ZMIZ1: variants seen among roughly 807,000 people sequenced by gnomAD.
ZMIZ1 encodes zinc finger MIZ domain-containing protein 1.
In ZMIZ1, 17 loss-of-function variants were observed where a neutral mutation model predicts 113.9. The ratio of observed to expected loss-of-function variants is 0.15; its 90% CI spans 0.10 to 0.22. The LOEUF (loss-of-function observed/expected upper bound fraction) is 0.22. Among genes scored for constraint, ZMIZ1 ranks in the 10% least tolerant of loss-of-function variants. ZMIZ1 has a pLI of 1.00. For synonymous variants in ZMIZ1, 607 were observed against 603.1 expected (o/e 1.01, Z -0.09); for missense variants, 1,059 against 1,477.8 (o/e 0.72, Z 4.65).
intron 4 of ZMIZ1, among the ~76,000 whole-genome samples, chr10:79,199,357 A>C (rs1183079812): frequency 1.3e-5 from 2 of 152,008 alleles, no homozygotes; most frequent in Non-Finnish European, 1.5e-5. Context: ...AATACAAAAA[A>C]TTAGCCAGGC....
intron 21 of ZMIZ1, among the ~76,000 whole-genome samples, chr10:79,305,836 G>A (rs996013379): frequency 2.6e-5 from 4 of 152,110 alleles, no homozygotes; most frequent in Non-Finnish European, 4.4e-5. Context: ...GCCCCGCCCC[G>A]ACCCTCCACC....
At chr10:79,252,495 C>T (rs920580711) in intron 7 of ZMIZ1, among the ~76,000 whole-genome samples, 1 of 152,110 alleles carries the variant, frequency 6.6e-6, no homozygotes, top group African/African-American at 2.4e-5. Context: ...AGAAACCAGC[C>T]TCTGAAATGA....
intron 1 of ZMIZ1, among the ~76,000 whole-genome samples, chr10:79,098,668 G>T (rs560191173): frequency 6.6e-6 from 1 of 152,186 alleles, no homozygotes; most frequent in Admixed American, 6.5e-5. Flanking sequence ...TCATACAGCC[G>T]CCCAGAAGCA....
At chr10:79,137,358 C>G (rs1226262542) in intron 2 of ZMIZ1, among the ~76,000 whole-genome samples, 4 of 152,316 alleles carry the variant, frequency 2.6e-5, no homozygotes, top group Admixed American at 2.6e-4. Context: ...AAATGGGTAC[C>G]TCAGGGAAGG....
At chr10:79,239,954 C>G (rs891679305) in intron 7 of ZMIZ1, among the ~76,000 whole-genome samples, 18 of 151,412 alleles carry the variant, frequency 1.2e-4, no homozygotes, top group Admixed American at 3.9e-4. Context: ...GCAGGCTCCT[C>G]CAGCTGGGTA....
intron 1 of ZMIZ1, among the ~76,000 whole-genome samples, chr10:79,076,123 G>A (rs1320094020): frequency 1.3e-5 from 2 of 152,184 alleles, no homozygotes; most frequent in African/African-American, 4.8e-5. Context: ...TGCGTTACCT[G>A]GTCTGGCCTT....
At chr10:79,227,888 A>G (rs80286261) in intron 7 of ZMIZ1, among the ~76,000 whole-genome samples, 3,288 of 152,294 alleles carry the variant, frequency 0.022, 125 homozygotes, top group African/African-American at 0.076. Context: ...CCTTTCCCCA[A>G]AAAAGAATCT....
chr10:79,252,101 C>T (rs1850587642), intron 7 of ZMIZ1, among the ~76,000 whole-genome samples: 1 of 152,160 alleles, frequency 6.6e-6, no homozygotes, highest in African/African-American at 2.4e-5. Flanking sequence ...GTCTTCCACC[C>T]TCCCTGAACC....
At chr10:79,231,743 TAA>T (rs1849405076) in intron 7 of ZMIZ1, among the ~76,000 whole-genome samples, 2 of 152,080 alleles carry the variant, frequency 1.3e-5, no homozygotes, top group Non-Finnish European at 1.5e-5. Flanking sequence ...CACGCCTGGC[TAA>T]AATACAATTT....
At chr10:79,255,752 AG>A (rs1315005332) in intron 7 of ZMIZ1, among the ~76,000 whole-genome samples, 1 of 152,118 alleles carries the variant, frequency 6.6e-6, no homozygotes, top group African/African-American at 2.4e-5. Context: ...TCCAACTCAC[AG>A]AAATAAACCG....
intron 7 of ZMIZ1, among the ~76,000 whole-genome samples, chr10:79,246,766 A>T (rs1299914582): frequency 2.0e-5 from 3 of 152,122 alleles, no homozygotes; most frequent in Non-Finnish European, 4.4e-5. Context: ...AAAGGGAAAA[A>T]CAAGGCCTCC....
chr10:79,185,574 A>G (rs1847318856), intron 4 of ZMIZ1, among the ~76,000 whole-genome samples: 1 of 152,014 alleles, frequency 6.6e-6, no homozygotes, highest in African/African-American at 2.4e-5. Flanking sequence ...TGGAAAGCAG[A>G]GGGTCTCAGC....
chr10:79,146,456 G>A (rs1845488149), intron 3 of ZMIZ1, among the ~76,000 whole-genome samples: 1 of 152,252 alleles, frequency 6.6e-6, no homozygotes, highest in East Asian at 1.9e-4. Context: ...TGCCCCAAAG[G>A]CTATAATATA....
At chr10:79,173,950 G>T (rs1423057032) in intron 4 of ZMIZ1, among the ~76,000 whole-genome samples, 1 of 152,184 alleles carries the variant, frequency 6.6e-6, no homozygotes, top group African/African-American at 2.4e-5. Flanking sequence ...CAACCAGAAA[G>T]ATCAGGGAAG....
chr10:79,201,295 C>T (rs1352482434), intron 4 of ZMIZ1, among the ~76,000 whole-genome samples: 1 of 152,154 alleles, frequency 6.6e-6, no homozygotes, highest in Non-Finnish European at 1.5e-5. Context: ...GTGACAAGAG[C>T]AAAACTCCAT....
At chr10:79,277,423 C>T in intron 8 of ZMIZ1, 98 bp downstream of exon 8, 2 of 1,407,036 alleles carry the variant, frequency 1.4e-6, no homozygotes, top group Non-Finnish European at 1.9e-6. Context: ...CTCTGTGCAA[C>T]CATGAGGATG....
intron 1 of ZMIZ1, among the ~76,000 whole-genome samples, chr10:79,096,568 G>T (rs929354468): frequency 1.3e-5 from 2 of 151,574 alleles, no homozygotes; most frequent in African/African-American, 4.8e-5. Context: ...CCTCCAGCAC[G>T]TGGAGGTGAG....
Position 79,304,136 on chromosome 10 carries a change from C to G in ZMIZ1, c.2247C>G (p.Ile749Met). Residue 749 changes from isoleucine to methionine, a missense_variant, in exon 19 of 25, where the codon ATC becomes ATG. Ile to Met is a conservative substitution (Grantham distance 10). Coordinates refer to ENST00000334512, the MANE Select transcript of ZMIZ1 (RefSeq NM_020338.4). ...SLKCPITFRR[I>M]QLPARGHDCK... is the part of the protein sequence containing the mutation. The stretch of plus-strand genomic sequence containing the variant: ...AGTGCCCCATCACATTCCGGCGCAT[C>G]CAGCTGCCTGCTCGAGGACACGATT... 6.2e-7 allele frequency: 1 copy of G among 1,614,114 alleles called. No individual in the cohort carries two copies. The highest frequency in any genetic ancestry group is 8.5e-7 in the Non-Finnish European group (1 of 1,179,964).
intron 7 of ZMIZ1, among the ~76,000 whole-genome samples, chr10:79,244,309 G>A (rs1252318851): frequency 6.6e-6 from 1 of 152,202 alleles, no homozygotes; most frequent in Non-Finnish European, 1.5e-5. Flanking sequence ...TGCACCAGAG[G>A]GCAGGAAGCA....
Sources: allele counts gnomAD v4.1 joint callset (sites outside exome capture counted in the v4.1 genomes callset), GRCh38; gene constraint gnomAD v4.1.1; transcripts MANE v1.5; gene names NCBI Gene and HGNC (gene_info 2026-07-23, HGNC 2026-07-21).